COL9A2: variants seen among roughly 807,000 people sequenced by gnomAD.
COL9A2 encodes collagen alpha-2(IX) chain.
COL9A2 carries 66 observed loss-of-function variants against 111.6 expected under a neutral mutation model. The ratio of observed to expected loss-of-function variants is 0.59; its 90% CI spans 0.48 to 0.73. COL9A2 has a LOEUF of 0.73. COL9A2 is among the 30% of genes least tolerant of loss of function. The pLI is 0.00. For synonymous variants in COL9A2, 353 were observed against 364.1 expected (o/e 0.97, Z 0.35); for missense variants, 881 against 954.1 (o/e 0.92, Z 1.01).
chr1:40,304,257 G>C, intron 24 of COL9A2, 63 bp downstream of exon 24: 1 of 1,537,896 alleles, frequency 6.5e-7, no homozygotes, highest in Non-Finnish European at 8.8e-7. Context: ...TCTGAGTCCT[G>C]CCGACCCCAC....
Position 40,303,634 on chromosome 1 carries a change from C to A in COL9A2, c.1444G>T (p.Asp482Tyr). 2 of 1,592,054 alleles carry A rather than the reference C, an allele frequency of 1.3e-6. No homozygotes were observed. The highest frequency in any genetic ancestry group is 8.5e-7 in the Non-Finnish European group (1 of 1,170,094). ...CCCTGAACCCCTGGGGCGCCCGCAT[C>A]CCCGCTGGGGCCAGGGTAGCCGGGT... ...GEPGYPGPSG[D>Y]AGAPGVQGYP... The change falls in exon 28 of 32, where the codon GAT (aspartate) becomes TAT (tyrosine). Residue 482 changes from aspartate to tyrosine, a missense_variant. Coordinates refer to ENST00000372748, the MANE Select transcript of COL9A2 (RefSeq NM_001852.4). The surrounding 1 kb of genome is among the most constrained non-coding windows in gnomAD (Gnocchi z 4.6).
rs1463463451 is a variant in COL9A2 at position 40,312,241 on chromosome 1, A to G, written c.364-129T>C. The G allele has an allele frequency of 8.0e-6, 8 of 1,001,938 alleles. No individual in the cohort carries two copies. 62.1% of individuals were successfully genotyped at this position (1,001,938 alleles called of 1,614,324 possible). On this transcript the variant is annotated intron_variant, in intron 7 of 31. Transcript: ENST00000372748. The surrounding 1 kb of genome is among the most constrained non-coding windows in gnomAD (Gnocchi z 6.0). ...TTTTTTTTTTTTGCCAACCCCAGAG[A>G]GACTGACAGACTGAGGCTTTAAGGA... is the stretch of plus-strand genomic sequence containing the variant.
chr1:40,312,212 CTTTTTTT>C lies in COL9A2; in HGVS notation c.364-107_364-101del, dbSNP rs34036643. On this transcript the variant is annotated intron_variant, in intron 7 of 31. Coordinates refer to ENST00000372748, the MANE Select transcript of COL9A2 (RefSeq NM_001852.4). The surrounding 1 kb of genome is among the most constrained non-coding windows in gnomAD (Gnocchi z 6.0). ...CCCAAAGCCCGTTTCTCCACTTTTA[CTTTTTTT>C]TTTTTTTTGCCAACCCCAGAGAGAC... 6.5e-6 allele frequency: 6 copies of C among 926,880 alleles called. No homozygotes were observed. Among genetic ancestry groups the C allele is most frequent in the Non-Finnish European group, 8.1e-6 (5 of 619,068 alleles). The allele number at this position is 926,880 out of a possible 1,614,324, so 57.4% of individuals were successfully genotyped here. A position where few individuals can be genotyped will look rare whatever the true frequency, so the allele number is the denominator to read the frequency against.
At position 40,307,468 on chromosome 1, in the gene COL9A2, C is replaced by G. The variant is rs772935733; in HGVS notation, c.986G>C (p.Ser329Thr). The G allele has an allele frequency of 1.2e-6, 2 of 1,614,148 alleles. No individual in the cohort carries two copies. The highest frequency in any genetic ancestry group is 3.3e-5 in the Admixed American group (2 of 60,022). ...GSAGQAGQPG[S>T]PGHQGLAGVP... ...TACCGCTAGGCCCTGGTGGCCTGGA[C>G]TTCCGGGCTGTCCCGCCTGTCCTGC... The change falls in exon 19 of 32, where the codon AGT becomes ACT. Residue 329 changes from serine (S) to threonine (T), a missense_variant. Transcript: ENST00000372748. This position sits in a 1 kb window ranked among gnomAD's most constrained non-coding sequence, Gnocchi z 4.8.
At position 40,303,093 on chromosome 1, in the gene COL9A2, C is replaced by T; in HGVS notation, c.1603+38G>A. 6.2e-7 allele frequency: 1 copy of T among 1,603,414 alleles called. No homozygotes were observed. Among genetic ancestry groups the T allele is most frequent in the Non-Finnish European group, 8.5e-7 (1 of 1,174,642 alleles). ...GGAGGGGGTGAGGGGGCGGCGATGC[C>T]CTCGAACTGACTGTGAGGAGGGGTT... On this transcript the variant is annotated intron_variant, in intron 29 of 31. Coordinates refer to ENST00000372748, the MANE Select transcript of COL9A2 (RefSeq NM_001852.4). This position sits in a 1 kb window ranked among gnomAD's most constrained non-coding sequence, Gnocchi z 4.6.
chr1:40,303,811 C>G lies in COL9A2; in HGVS notation c.1397G>C (p.Gly466Ala). The G allele has an allele frequency of 6.4e-7, 1 of 1,564,022 alleles. No homozygotes were observed. The highest frequency in any genetic ancestry group is 8.7e-7 in the Non-Finnish European group (1 of 1,155,644). The stretch of plus-strand genomic sequence containing the variant: ...CGCCGGGAGGGGAGGACTCACCTGT[C>G]CCTTGGGCCCCGGCTCGCCGGACTC... Reference protein sequence around the residue: ...KGESGEPGPKGQQGVRGEPGY... With the variant: ...KGESGEPGPKAQQGVRGEPGY... Residue 466 changes from glycine (G) to alanine (A), a missense_variant, in exon 27 of 32, where the codon GGA (glycine) becomes GCA (alanine). Transcript: ENST00000372748. The surrounding 1 kb of genome is among the most constrained non-coding windows in gnomAD (Gnocchi z 4.6).
At chr1:40,308,773 G>A (rs1374114790) in intron 16 of COL9A2, among the ~76,000 whole-genome samples, 1 of 152,082 alleles carries the variant, frequency 6.6e-6, no homozygotes, top group Non-Finnish European at 1.5e-5. Flanking sequence ...AGGATGTTAA[G>A]GATTTACTTG....
chr1:40,307,492 G>A lies in COL9A2; in HGVS notation c.962C>T (p.Ala321Val), dbSNP rs1380355729. ...TPGTPGMKGS[A>V]GQAGQPGSPG... is the part of the protein sequence containing the mutation. Reference sequence around the variant, plus strand: ...ACTTCCGGGCTGTCCCGCCTGTCCTGCACTGCCCTGGGATAGACAGATAAC... The same window carrying A: ...ACTTCCGGGCTGTCCCGCCTGTCCTACACTGCCCTGGGATAGACAGATAAC... Residue 321 changes from alanine (A) to valine (V), a missense_variant, in exon 19 of 32, where the codon GCA becomes GTA. Coordinates refer to ENST00000372748, the MANE Select transcript of COL9A2 (RefSeq NM_001852.4). This position sits in a 1 kb window ranked among gnomAD's most constrained non-coding sequence, Gnocchi z 4.8. The A allele has an allele frequency of 1.2e-6, 2 of 1,614,068 alleles. No individual in the cohort carries two copies. Among genetic ancestry groups the A allele is most frequent in the Non-Finnish European group, 1.7e-6 (2 of 1,180,000 alleles).
intron 16 of COL9A2, among the ~76,000 whole-genome samples, chr1:40,308,764 G>A (rs1644070125): frequency 6.6e-6 from 1 of 152,150 alleles, no homozygotes; most frequent in Non-Finnish European, 1.5e-5. Flanking sequence ...TGAGATGATA[G>A]GATGTTAAGG....
rs1246459296 is a variant in COL9A2 at position 40,309,856 on chromosome 1, C to T, written c.846+82G>A. On this transcript the variant is annotated intron_variant, in intron 16 of 31. Coordinates refer to ENST00000372748, the MANE Select transcript of COL9A2 (RefSeq NM_001852.4). ...TCACGCACACACTCATGCACTCTCA[C>T]ACACACAGCCTTAGGGGGTGCCTTG... The T allele has an allele frequency of 1.2e-5, 17 of 1,401,934 alleles. No individual in the cohort carries two copies. The East Asian group carries it at 3.2e-4, about 26-fold the overall frequency. The allele number at this position is 1,401,934 out of a possible 1,614,324, so 86.8% of individuals were successfully genotyped here.
chr1:40,312,378 C>A lies in COL9A2; in HGVS notation c.363+78G>T. On this transcript the variant is annotated intron_variant, in intron 7 of 31. Coordinates refer to ENST00000372748, the MANE Select transcript of COL9A2 (RefSeq NM_001852.4). The surrounding 1 kb of genome is among the most constrained non-coding windows in gnomAD (Gnocchi z 6.0). ...GCAAGCTGGCTCCTTCCCATGGTGGCCATTCCCTCGAAGCCTTTCTGTTGT... is the reference window on the plus strand; with the variant it reads ...GCAAGCTGGCTCCTTCCCATGGTGGACATTCCCTCGAAGCCTTTCTGTTGT... 3.2e-6 allele frequency: 5 copies of A among 1,559,478 alleles called. No individual in the cohort carries two copies. The East Asian group carries it at 1.2e-4, about 37-fold the overall frequency.
In COL9A2 at chr1:40,311,866, A is replaced by C; in HGVS notation, c.418-151T>G. 9.6e-7 allele frequency: 1 copy of C among 1,037,552 alleles called. No homozygotes were observed. Among genetic ancestry groups the C allele is most frequent in the African/African-American group, 1.6e-5 (1 of 63,380 alleles). 64.3% of individuals were successfully genotyped at this position (1,037,552 alleles called of 1,614,324 possible). A position where few individuals can be genotyped will look rare whatever the true frequency, so the allele number is the denominator to read the frequency against. ...ATCTTGGGAGATGAAGGCCTGATTG[A>C]CAGGGGATGGGGCCAGCGGCGTCCC... On this transcript the variant is annotated intron_variant, in intron 8 of 31. Transcript: ENST00000372748. This position sits in a 1 kb window ranked among gnomAD's most constrained non-coding sequence, Gnocchi z 5.1.
intron 2 of COL9A2, among the ~76,000 whole-genome samples, chr1:40,315,041 CCAGGTTGAAT>C (rs1269107341): frequency 6.6e-6 from 1 of 152,084 alleles, no homozygotes; most frequent in East Asian, 1.9e-4. Context: ...GGTGGGGGCA[CCAGGTTGAAT>C]AGAAGTCTGT....
In COL9A2 at chr1:40,302,576, A is replaced by T; in HGVS notation, c.1792+45T>A. 1 of 1,560,502 alleles carries T rather than the reference A, an allele frequency of 6.4e-7. No homozygotes were observed. The highest frequency in any genetic ancestry group is 1.2e-5 in the South Asian group (1 of 84,936). On this transcript the variant is annotated intron_variant, in intron 30 of 31. Coordinates refer to ENST00000372748, the MANE Select transcript of COL9A2 (RefSeq NM_001852.4). This position sits in a 1 kb window ranked among gnomAD's most constrained non-coding sequence, Gnocchi z 4.5. ...ATGGGGAAAGGGCCGGCCTGGACAA[A>T]TCCTCACTGCCTGGCCCCCATGCCC... is the stretch of plus-strand genomic sequence containing the variant.
rs1644151234 is a variant in COL9A2 at position 40,312,674 on chromosome 1, C to T, written c.303+57G>A. On this transcript the variant is annotated intron_variant, in intron 5 of 31. Coordinates refer to ENST00000372748, the MANE Select transcript of COL9A2 (RefSeq NM_001852.4). This position sits in a 1 kb window ranked among gnomAD's most constrained non-coding sequence, Gnocchi z 6.0. ...CCCGGCTCCTACTTCCTCTCTACAG[C>T]CACTCCCAAACGCTGGCCCTAGATT... The T allele has an allele frequency of 6.3e-7, 1 of 1,594,850 alleles. No individual in the cohort carries two copies. The highest frequency in any genetic ancestry group is 1.3e-5 in the African/African-American group (1 of 74,646).
At chr1:40,308,274 C>A in intron 16 of COL9A2, 29 bp from the exon 17 acceptor site, 1 of 1,608,334 alleles carries the variant, frequency 6.2e-7, no homozygotes. Context: ...TCAGGTCACC[C>A]TCAGGATGTT....
At chr1:40,306,527 G>A (rs1644032668) in intron 19 of COL9A2, among the ~76,000 whole-genome samples, 1 of 152,264 alleles carries the variant, frequency 6.6e-6, no homozygotes, top group Non-Finnish European at 1.5e-5. Flanking sequence ...GGGAGGGAGG[G>A]CAGGCTCCCA....
At chr1:40,309,025 C>T (rs571235686) in intron 16 of COL9A2, among the ~76,000 whole-genome samples, 8 of 152,180 alleles carry the variant, frequency 5.3e-5, no homozygotes, top group Non-Finnish European at 1.2e-4. Flanking sequence ...GCAGGTGGAT[C>T]ACCTGAGGTC....
chr1:40,302,919 CAG>C lies in COL9A2; in HGVS notation c.1604-112_1604-111del. 1 of 1,228,430 alleles carries C rather than the reference CAG, an allele frequency of 8.1e-7. No homozygotes were observed. The highest frequency in any genetic ancestry group is 1.2e-6 in the Non-Finnish European group (1 of 867,794). 76.1% of individuals were successfully genotyped at this position (1,228,430 alleles called of 1,614,324 possible). A position where few individuals can be genotyped will look rare whatever the true frequency, so the allele number is the denominator to read the frequency against. ...GGGCCCTGGCCCCTAGGTTTGCAGACAGAAAAGCACCACCTTCCGTGGGCTCT... is the reference window on the plus strand; with the variant it reads ...GGGCCCTGGCCCCTAGGTTTGCAGACAAAAGCACCACCTTCCGTGGGCTCT... On this transcript the variant is annotated intron_variant, in intron 29 of 31. Transcript: ENST00000372748. The surrounding 1 kb of genome is among the most constrained non-coding windows in gnomAD (Gnocchi z 4.5).
Sources: allele counts gnomAD v4.1 joint callset (sites outside exome capture counted in the v4.1 genomes callset), GRCh38; gene constraint gnomAD v4.1.1; non-coding constraint Gnocchi (gnomAD v3.1); transcripts MANE v1.5; gene names NCBI Gene and HGNC (gene_info 2026-07-23, HGNC 2026-07-21).